The following MORN1 variants were observed in gnomAD, a reference collection of about 807,000 sequenced individuals.
MORN1 encodes the protein MORN repeat-containing protein 1.
MORN1 carries 67 observed loss-of-function variants against 61.9 expected under a neutral mutation model. The observed-to-expected ratio is 1.08, with a 90% CI of 0.89 to 1.33. The LOEUF (loss-of-function observed/expected upper bound fraction) is 1.33. MORN1 is among the 40% of genes most tolerant of loss of function. The pLI, the probability that MORN1 is intolerant of heterozygous loss-of-function variation, is 0.00. For synonymous variants in MORN1, 301 were observed against 292.0 expected (o/e 1.03, Z -0.31); for missense variants, 752 against 691.2 (o/e 1.09, Z -0.99).
At chr1:2,348,655 ACACGCACG>A (rs1403647471) in intron 10 of MORN1, among the ~76,000 whole-genome samples, 1 of 150,700 alleles carries the variant, frequency 6.6e-6, no homozygotes, top group Non-Finnish European at 1.5e-5. Context: ...AGGCACGCAC[ACACGCACG>A]CACACGCACA....
chr1:2,378,936 T>C (rs927383173), intron 6 of MORN1: 21 of 459,530 alleles, frequency 4.6e-5, no homozygotes, highest in Non-Finnish European at 7.5e-5. Flanking sequence ...AAGAGGAGCC[T>C]TCTCTGCTTT....
At chr1:2,348,391 G>A (rs1440575501) in intron 10 of MORN1, among the ~76,000 whole-genome samples, 1 of 152,190 alleles carries the variant, frequency 6.6e-6, no homozygotes, top group African/African-American at 2.4e-5. Context: ...GAGGCTGGTG[G>A]CGCGTCTCCG....
chr1:2,325,181 C>CCCTT (rs1640994338), intron 12 of MORN1, among the ~76,000 whole-genome samples: 1 of 105,100 alleles, frequency 9.5e-6, no homozygotes, highest in Non-Finnish European at 2.0e-5. Flanking sequence ...TTCCTTCCTT[C>CCCTT]CCTTCCTTCA....
intron 12 of MORN1, among the ~76,000 whole-genome samples, chr1:2,333,873 T>A (rs1024113306): frequency 6.6e-6 from 1 of 152,188 alleles, no homozygotes; most frequent in African/African-American, 2.4e-5. Flanking sequence ...GTTGGAGGCC[T>A]TTGGATTTGC....
At position 2,372,335 on chromosome 1, in the gene MORN1, G is replaced by T. The variant is rs879269298; in HGVS notation, c.745+146C>A. On this transcript the variant is annotated intron_variant, in intron 8 of 13. Transcript: ENST00000378531. The surrounding 1 kb of genome is among the most constrained non-coding windows in gnomAD (Gnocchi z 5.4). ...CTGGCAGGGAAGCTGGCACACCTGC[G>T]ACCTCTCTGCCAGGCTCTGGGCACG... The T allele has an allele frequency of 3.2e-6, 2 of 630,106 alleles. No homozygotes were observed. Among genetic ancestry groups the T allele is most frequent in the Non-Finnish European group, 5.5e-6 (2 of 361,432 alleles). 39.0% of individuals were successfully genotyped at this position (630,106 alleles called of 1,614,324 possible).
intron 10 of MORN1, among the ~76,000 whole-genome samples, chr1:2,341,692 G>GAAAAAA (rs68071614): frequency 1.4e-4 from 19 of 133,636 alleles, no homozygotes; most frequent in South Asian, 4.8e-4. Flanking sequence ...TCCGTCTCAA[G>GAAAAAA]AAAAAAAAAA....
chr1:2,364,744 G>A (rs932178869), intron 8 of MORN1, among the ~76,000 whole-genome samples: 4 of 151,922 alleles, frequency 2.6e-5, no homozygotes, highest in African/African-American at 4.8e-5. Flanking sequence ...TGTATAAGGT[G>A]TAAGGAAGGG....
chr1:2,366,961 TAC>T (rs1557884381), intron 8 of MORN1, among the ~76,000 whole-genome samples: 1 of 60,838 alleles, frequency 1.6e-5, no homozygotes, highest in African/African-American at 6.3e-5. Context: ...ATCAACAAAA[TAC>T]ATAGAAAAAT....
At chr1:2,384,768 C>A (rs1316843125) in intron 6 of MORN1, among the ~76,000 whole-genome samples, 2 of 152,264 alleles carry the variant, frequency 1.3e-5, no homozygotes, top group Non-Finnish European at 2.9e-5. Flanking sequence ...ATACACAAGG[C>A]ACACATATGA....
Position 2,387,183 on chromosome 1 carries a change from G to A in MORN1, c.358+236C>T, listed in dbSNP as rs367895203. ...CCTAAGCCACGGGCGTCTGTTCCGC[G>A]GTAGCGGATGACAGAGCTGCATCAA... On this transcript the variant is annotated intron_variant, in intron 4 of 13. Coordinates refer to ENST00000378531, the MANE Select transcript of MORN1 (RefSeq NM_024848.3). 472 of 571,516 alleles carry A rather than the reference G, an allele frequency of 8.3e-4. 4 individuals carry two copies. In the South Asian group the frequency reaches 9.8e-3, roughly 12 times the overall value. 35.4% of individuals were successfully genotyped at this position (571,516 alleles called of 1,614,324 possible).
At chr1:2,350,207 G>T (rs181960694) in intron 10 of MORN1, among the ~76,000 whole-genome samples, 1 of 152,328 alleles carries the variant, frequency 6.6e-6, no homozygotes, top group East Asian at 1.9e-4. Flanking sequence ...TAAAATCTGG[G>T]TGCTGTAATT....
At chr1:2,350,853 A>G (rs1291548573) in intron 10 of MORN1, 1 of 152,234 alleles carries the variant, frequency 6.6e-6, no homozygotes, top group Non-Finnish European at 1.5e-5. Flanking sequence ...GACATTGGCA[A>G]TTGCTTTAAA....
intron 6 of MORN1, chr1:2,378,980 G>A (rs1642309887): frequency 2.1e-6 from 1 of 469,452 alleles, no homozygotes; most frequent in Non-Finnish European, 4.4e-6. Context: ...GTCAGAAGAA[G>A]CTGTAACACG....
intron 12 of MORN1, among the ~76,000 whole-genome samples, chr1:2,335,772 C>T (rs550356294): frequency 4.0e-5 from 6 of 151,226 alleles, no homozygotes; most frequent in African/African-American, 1.2e-4. Context: ...CGGGGCCAGG[C>T]GAGGGCTGGT....
intron 10 of MORN1, among the ~76,000 whole-genome samples, chr1:2,342,647 C>T (rs1288083945): frequency 6.6e-6 from 1 of 152,054 alleles, no homozygotes; most frequent in East Asian, 1.9e-4. Context: ...TCACCTCCCT[C>T]ACCCTTCTCA....
Position 2,334,089 on chromosome 1 carries a change from G to T in MORN1, c.1250+2380C>A, listed in dbSNP as rs1180175006. On this transcript the variant is annotated intron_variant, in intron 12 of 13. Coordinates refer to ENST00000378531, the MANE Select transcript of MORN1 (RefSeq NM_024848.3). This position sits in a 1 kb window ranked among gnomAD's most constrained non-coding sequence, Gnocchi z 5.4. The stretch of plus-strand genomic sequence containing the variant: ...CACAGCTGGGGGAGCCTCAGGCAGG[G>T]TCCCCCACTCTTTCCTAAGAGGGGG... Among the ~76,000 whole-genome samples the T allele has an allele frequency of 9.9e-5, 15 of 152,080 alleles. No individual in the cohort carries two copies. The highest frequency in any genetic ancestry group is 3.1e-4 in the African/African-American group (13 of 41,498).
intron 8 of MORN1, among the ~76,000 whole-genome samples, chr1:2,359,243 G>A (rs767104277): frequency 3.9e-5 from 6 of 152,122 alleles, no homozygotes; most frequent in East Asian, 1.9e-4. Context: ...ACCTTGACCC[G>A]GGGGGATGGG....
At chr1:2,366,595 C>T (rs187897508) in intron 8 of MORN1, among the ~76,000 whole-genome samples, 2,027 of 152,306 alleles carry the variant, frequency 0.013, 18 homozygotes, top group Non-Finnish European at 0.02. Flanking sequence ...GCGATCTCAG[C>T]TCACTGCAAC....
At chr1:2,342,895 T>C (rs1403948188) in intron 10 of MORN1, among the ~76,000 whole-genome samples, 4 of 148,250 alleles carry the variant, frequency 2.7e-5, no homozygotes, top group African/African-American at 9.9e-5. Flanking sequence ...TATTTTATTT[T>C]ATTTTATTTT....
Sources: gnomAD v4.1 joint callset for allele counts (sites outside exome capture counted in the v4.1 genomes callset) on GRCh38, gnomAD v4.1.1 for gene constraint, Gnocchi (gnomAD v3.1) non-coding constraint, MANE v1.5 for transcripts, NCBI Gene and HGNC (gene_info 2026-07-23, HGNC 2026-07-21) for gene names.